Variants in CDKL5 observed in about 807,000 individuals in gnomAD.
The protein encoded by CDKL5 is cyclin dependent kinase like 5, also known as cyclin-dependent kinase-like 5.
Under a neutral mutation model 61.7 loss-of-function variants are expected in CDKL5, and 8 were observed. The observed-to-expected ratio is 0.13, with a 90% CI of 0.08 to 0.23. The LOEUF (loss-of-function observed/expected upper bound fraction) is 0.23, where lower values mean the gene tolerates loss of function less well. CDKL5 is among the 10% of genes least tolerant of loss of function. The probability of loss-of-function intolerance (pLI) is 1.00; values close to 1 mark genes in which losing one functional copy is unlikely to be tolerated. For missense variants in CDKL5, 440 were observed against 734.5 expected (o/e 0.60, Z 4.63); for synonymous variants, 275 against 272.3 (o/e 1.01, Z -0.10).
Position 18,604,395 on chromosome X carries a change from G to A in CDKL5, c.1471G>A (p.Ala491Thr), listed in dbSNP as rs1555952046. 5.0e-6 allele frequency: 6 copies of A among 1,208,903 alleles called. No individual in the cohort carries two copies. Among genetic ancestry groups the A allele is most frequent in the African/African-American group, 1.8e-5 (1 of 56,940 alleles). ...SYRTKAKSHG[A>T]LSDSKSVSNL... is the part of the protein sequence containing the mutation. ...CAGGACCAAGGCCAAAAGCCATGGGGCACTGAGTGACTCCAAGTCTGTGAG... is the reference window on the plus strand; with the variant it reads ...CAGGACCAAGGCCAAAAGCCATGGGACACTGAGTGACTCCAAGTCTGTGAG... The change falls in exon 12 of 18, where the codon GCA becomes ACA. Residue 491 changes from alanine (A) to threonine (T), a missense_variant. Ala to Thr is a moderately conservative substitution (Grantham distance 58). This residue lies in a region of CDKL5 where 363 missense variants were observed against 516.3 expected (regional missense o/e 0.70). Transcript: ENST00000623535.
Position 18,454,043 on chromosome X carries a change from G to T in CDKL5, c.-163+28348G>T, listed in dbSNP as rs755481552. Among the ~76,000 whole-genome samples the T allele has an allele frequency of 5.4e-5, 6 of 111,541 alleles. No homozygotes were observed. The South Asian group carries it at 1.9e-3, about 35-fold the overall frequency. On this transcript the variant is annotated intron_variant, in intron 1 of 17. Transcript: ENST00000623535. ...TGAAGAGGTGGTTAGTATCCTTGGGGCTGTTAATCAGGAGGTAGCCTTTAT... is the reference window on the plus strand; with the variant it reads ...TGAAGAGGTGGTTAGTATCCTTGGGTCTGTTAATCAGGAGGTAGCCTTTAT...
intron 3 of CDKL5, among the ~76,000 whole-genome samples, chrX:18,526,025 G>C (rs1350884436): frequency 8.9e-6 from 1 of 112,027 alleles, no homozygotes; most frequent in African/African-American, 3.2e-5. Context: ...GGGATTATAG[G>C]CGTGAGCCAC....
intron 4 of CDKL5, among the ~76,000 whole-genome samples, chrX:18,574,345 C>T (rs1224391690): frequency 9.0e-6 from 1 of 111,314 alleles, no homozygotes; most frequent in Non-Finnish European, 1.9e-5. Flanking sequence ...CAGGTGTTAC[C>T]TCTCAGTGAA....
intron 1 of CDKL5, among the ~76,000 whole-genome samples, chrX:18,429,569 A>T (rs987963747): frequency 8.9e-6 from 1 of 111,736 alleles, no homozygotes; most frequent in Admixed American, 9.6e-5. Flanking sequence ...TGCCATCCAA[A>T]CTGGTCTGAC....
At chrX:18,627,706 T>C (rs886885090) in intron 17 of CDKL5, 4 of 109,376 alleles carry the variant, frequency 3.7e-5, no homozygotes, top group Non-Finnish European at 7.6e-5. Flanking sequence ...AATTAATTCT[T>C]TAGATAGTTC....
At chrX:18,602,591 C>G (rs757624343) in intron 11 of CDKL5, among the ~76,000 whole-genome samples, 2 of 111,458 alleles carry the variant, frequency 1.8e-5, no homozygotes, top group Non-Finnish European at 3.8e-5. Context: ...ATGAGGCCCC[C>G]CACACTGTCA....
chrX:18,577,316 T>C (rs1036966636), intron 5 of CDKL5, among the ~76,000 whole-genome samples: 13 of 111,300 alleles, frequency 1.2e-4, no homozygotes, highest in African/African-American at 4.2e-4. Flanking sequence ...AGAACTCCAG[T>C]CTTCTGACAG....
intron 1 of CDKL5, among the ~76,000 whole-genome samples, chrX:18,461,808 C>T (rs888014906): frequency 4.4e-5 from 5 of 112,396 alleles, no homozygotes; most frequent in Admixed American, 9.5e-5. Context: ...GAATGAATCT[C>T]CTAACCTCTT....
intron 15 of CDKL5, among the ~76,000 whole-genome samples, chrX:18,619,195 G>T (rs1383108127): frequency 1.0e-5 from 1 of 95,951 alleles, no homozygotes; most frequent in Non-Finnish European, 2.0e-5. Context: ...GGGTCTTGCC[G>T]TGTTGCCCAC....
intron 3 of CDKL5, among the ~76,000 whole-genome samples, chrX:18,537,462 C>G (rs751774678): frequency 1.8e-5 from 2 of 112,088 alleles, no homozygotes; most frequent in South Asian, 7.4e-4. Flanking sequence ...AGTATCGTAA[C>G]TAGAAAATGG....
chrX:18,636,473 A>C lies in CDKL5; in HGVS notation c.*7716A>C, dbSNP rs531437397. 4.6e-5 allele frequency: 5 copies of C among 109,419 alleles called. No individual in the cohort carries two copies. The South Asian group carries it at 2.0e-3, about 44-fold the overall frequency. 9.0% of individuals were successfully genotyped at this position (109,419 alleles called of 1,213,427 possible). A position where few individuals can be genotyped will look rare whatever the true frequency, so the allele number is the denominator to read the frequency against. The stretch of plus-strand genomic sequence containing the variant: ...TCCATACTTGACATTAACCTGCCCA[A>C]GGTCACCCAGTTTGGAAGTGGCAGG... On this transcript the variant is annotated 3_prime_UTR_variant, in exon 18 of 18. Coordinates refer to ENST00000623535, the MANE Select transcript of CDKL5 (RefSeq NM_001323289.2).
chrX:18,462,977 T>C (rs1932323677), intron 1 of CDKL5, among the ~76,000 whole-genome samples: 2 of 110,557 alleles, frequency 1.8e-5, no homozygotes, highest in African/African-American at 6.6e-5. Flanking sequence ...TGAGCCAAGA[T>C]TGCGCCACTG....
downstream of CDKL5, chrX:18,640,549 TG>T (rs1242449212): frequency 5.7e-5 from 6 of 106,084 alleles, no homozygotes; most frequent in African/African-American, 2.1e-4. Flanking sequence ...AGAAAGATGC[TG>T]GGTTGGATAT....
intron 3 of CDKL5, among the ~76,000 whole-genome samples, chrX:18,551,497 G>A (rs1439051175): frequency 1.9e-5 from 2 of 107,161 alleles, no homozygotes; most frequent in Non-Finnish European, 3.8e-5. Context: ...TCACATTTGC[G>A]GCACTCAAAT....
chrX:18,551,377 T>A (rs920422036), intron 3 of CDKL5, among the ~76,000 whole-genome samples: 3 of 109,054 alleles, frequency 2.8e-5, no homozygotes, highest in Non-Finnish European at 5.7e-5. Flanking sequence ...GCTGATACTA[T>A]AATAGTTACA....
chrX:18,518,096 T>C (rs1238451936), intron 3 of CDKL5, among the ~76,000 whole-genome samples: 1 of 111,395 alleles, frequency 9.0e-6, no homozygotes, highest in African/African-American at 3.3e-5. Flanking sequence ...GTAGTTCATA[T>C]TTTACAATTT....
At chrX:18,448,364 A>G (rs1931930268) in intron 1 of CDKL5, among the ~76,000 whole-genome samples, 1 of 111,874 alleles carries the variant, frequency 8.9e-6, no homozygotes, top group Non-Finnish European at 1.9e-5. Context: ...TATTTTGCCC[A>G]TCAGGCTCTC....
chrX:18,492,648 T>G (rs999995694), intron 1 of CDKL5, among the ~76,000 whole-genome samples: 2 of 111,364 alleles, frequency 1.8e-5, no homozygotes, highest in African/African-American at 6.5e-5. Context: ...TAATCCATCC[T>G]CAGTGGTATT....
intron 14 of CDKL5, among the ~76,000 whole-genome samples, chrX:18,610,178 G>A (rs1926502754): frequency 9.4e-6 from 1 of 106,065 alleles, no homozygotes; most frequent in African/African-American, 3.5e-5. Context: ...TGTCATTCCA[G>A]ACTTCCCATG....
Sources: allele counts gnomAD v4.1 joint callset (sites outside exome capture counted in the v4.1 genomes callset), GRCh38; gene constraint gnomAD v4.1.1; regional missense constraint gnomAD v4.1.1; transcripts MANE v1.5; gene names NCBI Gene and HGNC (gene_info 2026-07-23, HGNC 2026-07-21).